The following CD320 variants were observed in gnomAD, a reference collection of about 807,000 sequenced individuals.
The protein encoded by CD320 is CD320 antigen.
In CD320, 16 loss-of-function variants were observed where a neutral mutation model predicts 22.1. That is an observed-to-expected ratio of 0.73 (90% CI 0.49 to 1.10). The LOEUF is 1.10. CD320 is among the 50% of genes least tolerant of loss of function. The pLI, the probability that CD320 is intolerant of heterozygous loss-of-function variation, is 0.00. For synonymous variants in CD320, 188 were observed against 167.8 expected, an observed-to-expected ratio of 1.12 and a Z score of -0.93; for missense variants, 388 against 376.9, an observed-to-expected ratio of 1.03 and a Z score of -0.24.
Position 8,302,680 on chromosome 19 carries a change from A to AT in CD320, c.707-76dup. On this transcript the variant is annotated intron_variant, in intron 4 of 4. Coordinates refer to ENST00000301458, the MANE Select transcript of CD320 (RefSeq NM_016579.4). ...CCCACACCCACCAAGCTCCATACAC[A>AT]TGGGGATGGGAGTTCTGCAGCTCAT... 1.9e-6 allele frequency: 3 copies of AT among 1,603,608 alleles called. No individual in the cohort carries two copies. The Admixed American group carries it at 5.0e-5, about 27-fold the overall frequency.
At chr19:8,305,308 C>T (rs1048671120) in intron 1 of CD320, 152 bp from the exon 2 acceptor site, 9 of 896,018 alleles carry the variant, frequency 1.0e-5, no homozygotes, top group African/African-American at 6.6e-5. Flanking sequence ...GCCCCTAGTA[C>T]GAGTGGGGTT....
In CD320 at chr19:8,302,141, A is replaced by C; in HGVS notation, c.*322T>G. 1 of 502,588 alleles carries C rather than the reference A, an allele frequency of 2.0e-6. No homozygotes were observed. Among genetic ancestry groups the C allele is most frequent in the Non-Finnish European group, 3.9e-6 (1 of 258,550 alleles). The allele number at this position is 502,588 out of a possible 1,614,324, so 31.1% of individuals were successfully genotyped here. ...AGAGGCAGGCGGAGGATGTGAAGCA[A>C]CTTTAATTGCCACCCTCAGACGGGG... On this transcript the variant is annotated 3_prime_UTR_variant, in exon 5 of 5. Coordinates refer to ENST00000301458, the MANE Select transcript of CD320 (RefSeq NM_016579.4).
At chr19:8,303,368 C>T (rs760472226) in intron 3 of CD320, among the ~76,000 whole-genome samples, 35 of 152,266 alleles carry the variant, frequency 2.3e-4, no homozygotes, top group Non-Finnish European at 4.6e-4. Context: ...CTGCCTGCCT[C>T]GGCCTCCCAA....
intron 1 of CD320, among the ~76,000 whole-genome samples, chr19:8,306,079 C>T (rs190747660): frequency 3.5e-4 from 54 of 152,266 alleles, no homozygotes; most frequent in Admixed American, 3.0e-3. Flanking sequence ...GAGCCCCAGG[C>T]CCCAGGCCCC....
chr19:8,304,876 C>T, intron 2 of CD320, 155 bp downstream of exon 2: 1 of 811,616 alleles, frequency 1.2e-6, no homozygotes. Context: ...CCAAGCCCAT[C>T]TTAGACCCCG....
rs1486548461 is a variant in CD320 at position 8,302,688 on chromosome 19, G to A, written c.707-83C>T. ...CACCAAGCTCCATACACATGGGGAT[G>A]GGAGTTCTGCAGCTCATCCCTCCCC... On this transcript the variant is annotated intron_variant, in intron 4 of 4. Transcript: ENST00000301458. The A allele has an allele frequency of 3.7e-6, 6 of 1,603,530 alleles. No individual in the cohort carries two copies. The East Asian group carries it at 8.9e-5, about 24-fold the overall frequency.
In CD320 at chr19:8,308,260, C is replaced by A; in HGVS notation, c.31G>T (p.Ala11Ser). 1 of 1,583,454 alleles carries A rather than the reference C, an allele frequency of 6.3e-7. No individual in the cohort carries two copies. MSGGWMAQVGAWRTGALGLAL... is the reference protein window; with the variant it reads MSGGWMAQVGSWRTGALGLAL... Reference sequence around the variant, plus strand: ...AGGCCCAGAGCCCCTGTTCGCCACGCTCCAACCTGCGCCATCCAACCGCCG... The same window carrying A: ...AGGCCCAGAGCCCCTGTTCGCCACGATCCAACCTGCGCCATCCAACCGCCG... Residue 11 changes from alanine to serine, a missense_variant, in exon 1 of 5, where the codon GCG (alanine) becomes TCG (serine). By Grantham distance (99) the Ala-to-Ser change is moderately conservative. Transcript: ENST00000301458.
rs1187059873 is a variant in CD320 at position 8,302,290 on chromosome 19, G to A, written c.*173C>T. ...CCCGGATCTCCATAGGGAGTGTCCAGGGACCCTCAATCTCCAGGGCCACTT... is the reference window on the plus strand; with the variant it reads ...CCCGGATCTCCATAGGGAGTGTCCAAGGACCCTCAATCTCCAGGGCCACTT... On this transcript the variant is annotated 3_prime_UTR_variant, in exon 5 of 5. Coordinates refer to ENST00000301458, the MANE Select transcript of CD320 (RefSeq NM_016579.4). 3.7e-6 allele frequency: 3 copies of A among 808,996 alleles called. No individual in the cohort carries two copies. Among genetic ancestry groups the A allele is most frequent in the Non-Finnish European group, 6.3e-6 (3 of 474,210 alleles). 50.1% of individuals were successfully genotyped at this position (808,996 alleles called of 1,614,324 possible).
At chr19:8,304,644 C>T in intron 2 of CD320, 3 of 241,308 alleles carry the variant, frequency 1.2e-5, no homozygotes, top group African/African-American at 4.6e-5. Context: ...TACCTGGCTC[C>T]CTCCCTCTCT....
intron 1 of CD320, 80 bp downstream of exon 1, chr19:8,308,069 G>GTGAC: frequency 1.5e-6 from 2 of 1,328,132 alleles, no homozygotes; most frequent in Admixed American, 6.1e-5. Context: ...GGTGCAGCCA[G>GTGAC]TGACTAGGCG....
chr19:8,305,312 T>G (rs940214221), intron 1 of CD320, 156 bp from the exon 2 acceptor site: 1 of 871,222 alleles, frequency 1.1e-6, no homozygotes, highest in East Asian at 2.8e-5. Flanking sequence ...CTAGTACGAG[T>G]GGGGTTCAGA....
rs758093694 is a variant in CD320 at position 8,303,968 on chromosome 19, AG to A, written c.388del (p.Leu130TrpfsTer4). 2.5e-6 allele frequency: 4 copies of A among 1,582,150 alleles called. No individual in the cohort carries two copies. Among genetic ancestry groups the A allele is most frequent in the Non-Finnish European group, 3.4e-6 (4 of 1,164,424 alleles). On this transcript the variant is annotated frameshift_variant, in exon 3 of 5. Coordinates refer to ENST00000301458, the MANE Select transcript of CD320 (RefSeq NM_016579.4). LOFTEE classifies it high-confidence loss of function. ...ACGGAGCTCGCCTGCTAGGCAGGCC[AG>A]GCGGCTGCAGTTGCGCAGTTTCTTG... Reference protein sequence around the residue: ...TDKKLRNCSRLACLAGELRCT... With the variant: ...TDKKLRNCSRXACLAGELRCT...
intron 1 of CD320, 34 bp downstream of exon 1, chr19:8,308,115 G>T: frequency 1.4e-6 from 2 of 1,450,028 alleles, no homozygotes; most frequent in Non-Finnish European, 9.0e-7. Context: ...AGCCTCGCGA[G>T]GGGTGGGAGC....
At position 8,303,674 on chromosome 19, in the gene CD320, C is replaced by T. The variant is rs915486657; in HGVS notation, c.502+181G>A. ...AGATGATCCGCCCACCTCAGCCTCCCAAAGTGCTGGGATTACAGGCGTGAG... is the reference window on the plus strand; with the variant it reads ...AGATGATCCGCCCACCTCAGCCTCCTAAAGTGCTGGGATTACAGGCGTGAG... On this transcript the variant is annotated intron_variant, in intron 3 of 4. Transcript: ENST00000301458. 5.3e-5 allele frequency among the ~76,000 whole-genome samples: 8 copies of T among 152,292 alleles called. No individual in the cohort carries two copies. The East Asian group carries it at 1.5e-3, about 29-fold the overall frequency.
Position 8,305,033 on chromosome 19 carries a change from C to T in CD320, c.266G>A (p.Cys89Tyr), listed in dbSNP as rs1184588832. 5 of 1,606,718 alleles carry T rather than the reference C, an allele frequency of 3.1e-6. No homozygotes were observed. Among genetic ancestry groups the T allele is most frequent in the Non-Finnish European group, 4.2e-6 (5 of 1,179,758 alleles). The change falls in exon 2 of 5, where the codon TGC (cysteine) becomes TAC (tyrosine). Residue 89 changes from cysteine (C) to tyrosine (Y), a missense_variant and splice_region_variant. Transcript: ENST00000301458. ...CGCCAAGGGGCGTGGCCACTCACTG[C>T]ACTCCTCCTCATCGCTGCCATCGCT... is the stretch of plus-strand genomic sequence containing the variant. ...DCSDGSDEEECRIEPCTQKGQ... is the reference protein window; with the variant it reads ...DCSDGSDEEEYRIEPCTQKGQ...
In CD320 at chr19:8,308,329, C is replaced by T. The variant is rs1003565306; in HGVS notation, c.-39G>A. 1.3e-6 allele frequency: 2 copies of T among 1,575,302 alleles called. No individual in the cohort carries two copies. The highest frequency in any genetic ancestry group is 1.7e-6 in the Non-Finnish European group (2 of 1,168,046). ...CGGCGCCGGCCACGCGCTGTCCAGACCGCTCTCTTATCCCTGCGCACGCGC... is the reference window on the plus strand; with the variant it reads ...CGGCGCCGGCCACGCGCTGTCCAGATCGCTCTCTTATCCCTGCGCACGCGC... On this transcript the variant is annotated 5_prime_UTR_variant, in exon 1 of 5. Transcript: ENST00000301458.
At position 8,308,239 on chromosome 19, in the gene CD320, C is replaced by T. The variant is rs1176934376; in HGVS notation, c.52G>A (p.Gly18Ser). The change falls in exon 1 of 5, where the codon GGC (glycine) becomes AGC (serine). Residue 18 changes from glycine (G) to serine (S), a missense_variant. Gly to Ser is a moderately conservative substitution (Grantham distance 56). Transcript: ENST00000301458. ...CCGAGCAGCAGCAGCAGCGCCAGGC[C>T]CAGAGCCCCTGTTCGCCACGCTCCA... ...QVGAWRTGAL[G>S]LALLLLLGLG... 1 of 1,582,370 alleles carries T rather than the reference C, an allele frequency of 6.3e-7. No individual in the cohort carries two copies. Among genetic ancestry groups the T allele is most frequent in the Non-Finnish European group, 8.5e-7 (1 of 1,170,744 alleles).
Position 8,302,379 on chromosome 19 carries a change from T to C in CD320, c.*84A>G. The C allele has an allele frequency of 4.5e-6, 7 of 1,543,182 alleles. No individual in the cohort carries two copies. The highest frequency in any genetic ancestry group is 6.2e-6 in the Non-Finnish European group (7 of 1,124,660). ...GAGCTCAGGTCTCTGAGGGCTGGTG[T>C]GCCCGGGTACCCATCCGCATCACTG... On this transcript the variant is annotated 3_prime_UTR_variant, in exon 5 of 5. Transcript: ENST00000301458.
Position 8,303,038 on chromosome 19 carries a change from C to A in CD320, c.503-58G>T. The A allele has an allele frequency of 3.4e-6, 5 of 1,464,048 alleles. No homozygotes were observed. In the South Asian group the frequency reaches 4.7e-5, roughly 14 times the overall value. 90.7% of individuals were successfully genotyped at this position (1,464,048 alleles called of 1,614,324 possible). A position where few individuals can be genotyped will look rare whatever the true frequency, so the allele number is the denominator to read the frequency against. ...AGAGAGCACTGAAGGCGTGAGGGGGCCAGATGCCCAGGGGAGCCCTTGGGG... is the reference window on the plus strand; with the variant it reads ...AGAGAGCACTGAAGGCGTGAGGGGGACAGATGCCCAGGGGAGCCCTTGGGG... On this transcript the variant is annotated intron_variant, in intron 3 of 4. Coordinates refer to ENST00000301458, the MANE Select transcript of CD320 (RefSeq NM_016579.4).
Sources: allele counts gnomAD v4.1 joint callset (sites outside exome capture counted in the v4.1 genomes callset), GRCh38; gene constraint gnomAD v4.1.1; transcripts MANE v1.5; gene names NCBI Gene and HGNC (gene_info 2026-07-23, HGNC 2026-07-21).